The following SMTN variants were observed in gnomAD, a reference collection of about 807,000 sequenced individuals.
SMTN encodes the protein smoothelin.
A neutral mutation model predicts 102.0 loss-of-function variants in SMTN; 58 were observed. The ratio of observed to expected loss-of-function variants is 0.57; its 90% CI spans 0.46 to 0.71. SMTN has a LOEUF of 0.71. Among genes scored for constraint, SMTN ranks in the 30% least tolerant of loss-of-function variants. The pLI, the probability that SMTN is intolerant of heterozygous loss-of-function variation, is 0.00. For synonymous variants in SMTN, 478 were observed against 497.9 expected (o/e 0.96, Z 0.53); for missense variants, 1,185 against 1,241.7 (o/e 0.95, Z 0.69).
At position 31,075,367 on chromosome 22, in the gene SMTN, G is replaced by T. The variant is rs139194589; in HGVS notation, c.-385-5083G>T. 7.1e-3 allele frequency among the ~76,000 whole-genome samples: 1,088 copies of T among 152,278 alleles called. 15 individuals are homozygous for T. Among genetic ancestry groups the T allele is most frequent in the African/African-American group, 0.025 (1,034 of 41,554 alleles). The stretch of plus-strand genomic sequence containing the variant: ...TGCCAAGTTCCTGTTATCATCAGGG[G>T]CAGTGTTCCATCCATCAAAAGGGCT... On this transcript the variant is annotated intron_variant, in intron 1 of 3. Coordinates refer to the SMTN transcript ENST00000422839.
Position 31,090,024 on chromosome 22 carries a change from G to C in SMTN, c.792+5G>C. On this transcript the variant is annotated splice_donor_5th_base_variant and intron_variant, in intron 7 of 20. Coordinates refer to ENST00000333137, the MANE Select transcript of SMTN (RefSeq NM_134269.3). ...GAGGGCCAGGTGGTCAACAAGGTGA[G>C]TCTGGATGAGGGGCAGGGATGCCAG... 1 of 1,609,876 alleles carries C rather than the reference G, an allele frequency of 6.2e-7. No homozygotes were observed. Among genetic ancestry groups the C allele is most frequent in the East Asian group, 2.2e-5 (1 of 44,722 alleles).
At position 31,089,709 on chromosome 22, in the gene SMTN, G is replaced by T. The variant is rs199740717; in HGVS notation, c.482G>T (p.Arg161Leu). The change falls in exon 7 of 21, where the codon CGA becomes CTA. Residue 161 changes from arginine (R) to leucine (L), a missense_variant. Physicochemically the swap from Arg to Leu is moderately radical, Grantham distance 102. Around this residue, in one of 2 missense-constraint regions of SMTN, gnomAD observed 1,096 missense variants for 1,112.7 expected, o/e 0.98. Coordinates refer to ENST00000333137, the MANE Select transcript of SMTN (RefSeq NM_134269.3). ...HRLEQCEVPEREEQEQQAEVS... is the reference protein window; with the variant it reads ...HRLEQCEVPELEEQEQQAEVS... Reference sequence around the variant, plus strand: ...GTGGGTCCCTTACAGGTGCCAGAGCGAGAGGAACAGGAACAGCAGGCAGAG... The same window carrying T: ...GTGGGTCCCTTACAGGTGCCAGAGCTAGAGGAACAGGAACAGCAGGCAGAG... 5 of 1,598,314 alleles carry T rather than the reference G, an allele frequency of 3.1e-6. No homozygotes were observed. The highest frequency in any genetic ancestry group is 1.1e-5 in the South Asian group (1 of 90,926).
In SMTN at chr22:31,099,198, G is replaced by C; in HGVS notation, c.2451+19G>C. 1 of 1,578,370 alleles carries C rather than the reference G, an allele frequency of 6.3e-7. No individual in the cohort carries two copies. Among genetic ancestry groups the C allele is most frequent in the Non-Finnish European group, 8.7e-7 (1 of 1,151,030 alleles). ...CTACGAGGTGAGCCCCGGGAGGCCA[G>C]GGGGCCTGGAGGCCTCCCCAGACCC... On this transcript the variant is annotated intron_variant, in intron 18 of 20. Coordinates refer to ENST00000333137, the MANE Select transcript of SMTN (RefSeq NM_134269.3).
At chr22:31,071,171 T>TTGAGACCAGCTGGG (rs1184347655) in intron 1 of SMTN, among the ~76,000 whole-genome samples, 1 of 150,430 alleles carries the variant, frequency 6.6e-6, no homozygotes, top group South Asian at 2.1e-4. Context: ...GCCCAGGAGT[T>TTGAGACCAGCTGGG]CAAGGCTTCA....
At chr22:31,092,611 A>C (rs2043221130) in intron 11 of SMTN, 1 of 460,024 alleles carries the variant, frequency 2.2e-6, no homozygotes, top group African/African-American at 2.0e-5. Flanking sequence ...GGGCCTTCTC[A>C]GGGGAGACAG....
chr22:31,101,145 G>T, intron 20 of SMTN, 96 bp downstream of exon 20: 1 of 1,218,968 alleles, frequency 8.2e-7, no homozygotes, highest in Non-Finnish European at 1.1e-6. Flanking sequence ...GAAGTAAGGG[G>T]GGCATTTAGT....
At position 31,088,947 on chromosome 22, in the gene SMTN, C is replaced by A; in HGVS notation, c.449C>A (p.Ala150Glu). Residue 150 changes from alanine to glutamate, a missense_variant, in exon 6 of 21, where the codon GCA (alanine) becomes GAA (glutamate). This residue lies in a region of SMTN where 1,096 missense variants were observed against 1,112.7 expected (regional missense o/e 0.98). Transcript: ENST00000333137. ...AGAGAGGACAGCAAGGGGCTAGCGG[C>A]ACACAGGCTGGAACAGTGTGAGGTA... ...GSREDSKGLAAHRLEQCEVPE... is the reference protein window; with the variant it reads ...GSREDSKGLAEHRLEQCEVPE... 3 of 1,613,688 alleles carry A rather than the reference C, an allele frequency of 1.9e-6. No individual in the cohort carries two copies. The South Asian group carries it at 3.3e-5, about 18-fold the overall frequency.
rs200075382 is a variant in SMTN, at chr22:31,087,922, G to A, written c.52-43G>A. 1.1e-3 allele frequency: 1,639 copies of A among 1,537,020 alleles called. 6 individuals are homozygous for A. The highest frequency in any genetic ancestry group is 6.3e-3 in the Middle Eastern group (33 of 5,232). On this transcript the variant is annotated intron_variant, in intron 2 of 20. Coordinates refer to ENST00000333137, the MANE Select transcript of SMTN (RefSeq NM_134269.3). The stretch of plus-strand genomic sequence containing the variant: ...CGTGGGCAGCTGGTGCCAGCCCTCC[G>A]CCCCTGGCAGCCAAAATGACCTGCC...
chr22:31,090,789 C>A lies in SMTN; in HGVS notation c.866-19C>A. On this transcript the variant is annotated intron_variant, in intron 8 of 20. Coordinates refer to ENST00000333137, the MANE Select transcript of SMTN (RefSeq NM_134269.3). ...TTCTCTTTCCCCACATGGCCATCAC[C>A]CCCTCCCCAACCTGCCAGACGTGGC... The A allele has an allele frequency of 6.2e-7, 1 of 1,602,412 alleles. No homozygotes were observed. The highest frequency in any genetic ancestry group is 8.6e-7 in the Non-Finnish European group (1 of 1,169,552).
chr22:31,084,888 C>T (rs1289568228), intron 2 of SMTN: 2 of 1,167,772 alleles, frequency 1.7e-6, no homozygotes, highest in Non-Finnish European at 2.2e-6. Flanking sequence ...GCCGGCCCGG[C>T]CCCCGCTGGC....
At chr22:31,092,179 G>A (rs1246510207) in intron 11 of SMTN, among the ~76,000 whole-genome samples, 1 of 152,188 alleles carries the variant, frequency 6.6e-6, no homozygotes, top group Non-Finnish European at 1.5e-5. Context: ...AGGGTGGTAA[G>A]GGCTTGCTCC....
chr22:31,093,660 A>G, intron 11 of SMTN: 1 of 801,540 alleles, frequency 1.2e-6, no homozygotes, highest in Non-Finnish European at 2.3e-6. Flanking sequence ...GGCTGGATGC[A>G]CTGAGCAGGC....
In SMTN at chr22:31,083,191, T is replaced by C. The variant is rs912145784; in HGVS notation, c.-68T>C. 8.3e-6 allele frequency: 13 copies of C among 1,575,014 alleles called. No individual in the cohort carries two copies. Among genetic ancestry groups the C allele is most frequent in the Non-Finnish European group, 1.1e-5 (13 of 1,160,672 alleles). On this transcript the variant is annotated 5_prime_UTR_variant, in exon 2 of 21. Coordinates refer to ENST00000333137, the MANE Select transcript of SMTN (RefSeq NM_134269.3). ...CTGTCCCCTGCAGAATTCTCTGAGC[T>C]GGTGACAGGTGCCACAGGCACTGGG...
chr22:31,097,721 T>G (rs2043714232), intron 16 of SMTN, among the ~76,000 whole-genome samples: 1 of 146,330 alleles, frequency 6.8e-6, no homozygotes, highest in African/African-American at 2.5e-5. Context: ...AATAGATAAA[T>G]AAATAAATAA....
chr22:31,095,475 G>C lies in SMTN; in HGVS notation c.1785+20G>C, dbSNP rs1441971116. ...AAGATGGTATAGCCAGATCCGGTGG[G>C]CTGGGGGTTGGCAGAGGCCAGCAGG... On this transcript the variant is annotated intron_variant, in intron 12 of 20. Coordinates refer to ENST00000333137, the MANE Select transcript of SMTN (RefSeq NM_134269.3). The surrounding 1 kb of genome is among the most constrained non-coding windows in gnomAD (Gnocchi z 4.1). 2 of 1,614,084 alleles carry C rather than the reference G, an allele frequency of 1.2e-6. No individual in the cohort carries two copies. The highest frequency in any genetic ancestry group is 2.7e-5 in the African/African-American group (2 of 74,940).
chr22:31,082,251 CATT>C (rs947181158), intron 1 of SMTN: 3 of 222,618 alleles, frequency 1.3e-5, no homozygotes, highest in African/African-American at 6.9e-5. Context: ...TCCAGACAGA[CATT>C]AGTTGGGGCT....
Position 31,099,093 on chromosome 22 carries a change from C to G in SMTN, c.2365C>G (p.Arg789Gly), listed in dbSNP as rs1158285186. The G allele has an allele frequency of 1.2e-6, 2 of 1,612,830 alleles. No individual in the cohort carries two copies. The highest frequency in any genetic ancestry group is 8.5e-7 in the Non-Finnish European group (1 of 1,179,926). The part of the protein sequence containing the change: ...SPGGPRAAVQ[R>G]STSFGVPNAN... Reference sequence around the variant, plus strand: ...TGGCGGACCCCGCGCAGCCGTGCAGCGATCCACCAGCTTCGGGGTCCCCAA... The same window carrying G: ...TGGCGGACCCCGCGCAGCCGTGCAGGGATCCACCAGCTTCGGGGTCCCCAA... Residue 789 changes from arginine (R) to glycine (G), a missense_variant, in exon 18 of 21, where the codon CGA becomes GGA. By Grantham distance (125) the Arg-to-Gly change is moderately radical (BLOSUM62 -2). This residue lies in a region of SMTN where 1,096 missense variants were observed against 1,112.7 expected (regional missense o/e 0.98). Transcript: ENST00000333137.
upstream of SMTN, among the ~76,000 whole-genome samples, chr22:31,079,647 A>G (rs2042219406): frequency 6.6e-6 from 1 of 152,238 alleles, no homozygotes; most frequent in Non-Finnish European, 1.5e-5. Context: ...GGATAATAAC[A>G]TGGCATCTCG....
chr22:31,075,225 C>T (rs185554732), intron 1 of SMTN, among the ~76,000 whole-genome samples: 8 of 152,032 alleles, frequency 5.3e-5, no homozygotes, highest in Admixed American at 2.6e-4. Flanking sequence ...TTTTTTTCTT[C>T]GTCTAAAGAA....
Sources: gnomAD v4.1 joint callset for allele counts (sites outside exome capture counted in the v4.1 genomes callset) on GRCh38, gnomAD v4.1.1 for gene constraint, gnomAD v4.1.1 regional missense constraint, Gnocchi (gnomAD v3.1) non-coding constraint, MANE v1.5 for transcripts, NCBI Gene and HGNC (gene_info 2026-07-23, HGNC 2026-07-21) for gene names.